The following GRID2 variants were observed in gnomAD, a reference collection of about 807,000 sequenced individuals.
The protein encoded by GRID2 is glutamate ionotropic receptor delta type subunit 2.
GRID2 carries 33 observed loss-of-function variants against 114.8 expected under a neutral mutation model. That is an observed-to-expected ratio of 0.29 (90% CI 0.22 to 0.38). The LOEUF is 0.38. Ranked by LOEUF, GRID2 falls within the 10% of genes least tolerant of loss-of-function variation. The pLI is 1.00. For missense variants in GRID2, 1,184 were observed against 1,257.7 expected (o/e 0.94, Z 0.89); for synonymous variants, 505 against 449.9 (o/e 1.12, Z -1.55).
chr4:93,182,906 A>C (rs990217955), intron 4 of GRID2, among the ~76,000 whole-genome samples: 9 of 152,234 alleles, frequency 5.9e-5, no homozygotes, highest in Non-Finnish European at 1.3e-4. Context: ...GCACCAGCCC[A>C]GACCTACTGA....
chr4:93,109,388 A>G (rs1343870160), intron 3 of GRID2, among the ~76,000 whole-genome samples: 1 of 152,232 alleles, frequency 6.6e-6, no homozygotes, highest in Non-Finnish European at 1.5e-5. Context: ...TTGAAATGAA[A>G]GAATTCAGAA....
At chr4:93,167,454 T>G (rs1738360372) in intron 4 of GRID2, among the ~76,000 whole-genome samples, 1 of 152,186 alleles carries the variant, frequency 6.6e-6, no homozygotes, top group Non-Finnish European at 1.5e-5. Context: ...TATATCGTTT[T>G]TAAAAGTCTA....
At chr4:93,744,929 C>A (rs946144586) in intron 14 of GRID2, among the ~76,000 whole-genome samples, 1 of 152,174 alleles carries the variant, frequency 6.6e-6, no homozygotes, top group Non-Finnish European at 1.5e-5. Context: ...AGACTCTCCA[C>A]TAGCAAAACA....
At chr4:93,035,530 A>G (rs935049739) in intron 2 of GRID2, among the ~76,000 whole-genome samples, 1 of 152,144 alleles carries the variant, frequency 6.6e-6, no homozygotes, top group Non-Finnish European at 1.5e-5. Flanking sequence ...GGTCGCCTGC[A>G]AACTGAGCAT....
intron 8 of GRID2, among the ~76,000 whole-genome samples, chr4:93,275,386 A>G (rs1751938139): frequency 6.6e-6 from 1 of 150,988 alleles, no homozygotes; most frequent in Non-Finnish European, 1.5e-5. Context: ...TTTGTGAGCA[A>G]GATTTTATGA....
rs1031312907 is a variant in GRID2, at chr4:93,188,473, T to C, written c.736-18931T>C. Among the ~76,000 whole-genome samples, 10 of 152,166 alleles carry C rather than the reference T, an allele frequency of 6.6e-5. No individual in the cohort carries two copies. In the East Asian group the frequency reaches 1.5e-3, roughly 24 times the overall value. ...AGGTCCTGGATTTCTAAGCTTATGA[T>C]GGGAGTGGCCAGCCCGATGATCTCT... On this transcript the variant is annotated intron_variant, in intron 4 of 15. Transcript: ENST00000282020.
rs373381190 is a variant in GRID2 at position 93,207,473 on chromosome 4, C to T, written c.789+16C>T. 5 of 1,512,906 alleles carry T rather than the reference C, an allele frequency of 3.3e-6. No individual in the cohort carries two copies. Among genetic ancestry groups the T allele is most frequent in the Non-Finnish European group, 4.6e-6 (5 of 1,090,390 alleles). The allele number at this position is 1,512,906 out of a possible 1,614,324, so 93.7% of individuals were successfully genotyped here. A position where few individuals can be genotyped will look rare whatever the true frequency, so the allele number is the denominator to read the frequency against. ...TATAAATGAGGTAAAGCCAACTAAA[C>T]CTTATTGTTAACTCTGTGTCCTTTT... On this transcript the variant is annotated intron_variant, in intron 5 of 15. Coordinates refer to ENST00000282020, the MANE Select transcript of GRID2 (RefSeq NM_001510.4).
rs547828655 is a variant in GRID2 at position 92,677,381 on chromosome 4, G to A, written c.244+87095G>A. On this transcript the variant is annotated intron_variant, in intron 2 of 15. Coordinates refer to ENST00000282020, the MANE Select transcript of GRID2 (RefSeq NM_001510.4). Reference sequence around the variant, plus strand: ...ATCAGAGGAATAAGACAACTTGGCAGGAACCTTATGAAAAGGATTCTGCTA... The same window carrying A: ...ATCAGAGGAATAAGACAACTTGGCAAGAACCTTATGAAAAGGATTCTGCTA... Among the ~76,000 whole-genome samples the A allele has an allele frequency of 7.2e-5, 11 of 152,260 alleles. No individual in the cohort carries two copies. The South Asian group carries it at 2.1e-3, about 29-fold the overall frequency.
intron 4 of GRID2, among the ~76,000 whole-genome samples, chr4:93,204,774 C>T (rs1742508396): frequency 6.6e-6 from 1 of 152,146 alleles, no homozygotes; most frequent in African/African-American, 2.4e-5. Flanking sequence ...AAAACAACTT[C>T]TCATTTAGTA....
At position 92,746,184 on chromosome 4, in the gene GRID2, A is replaced by G. The variant is rs116635324; in HGVS notation, c.244+155898A>G. Among the ~76,000 whole-genome samples, 1,470 of 152,182 alleles carry G rather than the reference A, an allele frequency of 9.7e-3. 27 individuals carry two copies. The highest frequency in any genetic ancestry group is 0.033 in the African/African-American group (1,384 of 41,552). Reference sequence around the variant, plus strand: ...CATCACCTTGCACATATTTTGCGCTATGGTACCTGATTAAATAGTCTGTTG... The same window carrying G: ...CATCACCTTGCACATATTTTGCGCTGTGGTACCTGATTAAATAGTCTGTTG... On this transcript the variant is annotated intron_variant, in intron 2 of 15. Transcript: ENST00000282020.
At chr4:92,814,025 CTA>C (rs1439885547) in intron 2 of GRID2, among the ~76,000 whole-genome samples, 1 of 152,042 alleles carries the variant, frequency 6.6e-6, no homozygotes, top group Non-Finnish European at 1.5e-5. Context: ...CTATTCTTCT[CTA>C]TCTGAAAAAA....
chr4:93,413,170 A>C (rs896304541), intron 9 of GRID2, among the ~76,000 whole-genome samples: 3 of 152,164 alleles, frequency 2.0e-5, no homozygotes, highest in African/African-American at 7.2e-5. Flanking sequence ...AGGAATCGCC[A>C]CACTGCCTTC....
At chr4:92,918,065 A>C (rs1030527076) in intron 2 of GRID2, among the ~76,000 whole-genome samples, 2 of 152,144 alleles carry the variant, frequency 1.3e-5, no homozygotes, top group African/African-American at 4.8e-5. Context: ...GAGGTCCTTC[A>C]CATCCCTTGT....
At chr4:93,123,273 A>G (rs1041492500) in intron 4 of GRID2, among the ~76,000 whole-genome samples, 4 of 152,162 alleles carry the variant, frequency 2.6e-5, no homozygotes, top group African/African-American at 9.7e-5. Flanking sequence ...AAATAAGTCA[A>G]TCATTTTTAT....
At chr4:92,964,695 C>T (rs1017558985) in intron 2 of GRID2, among the ~76,000 whole-genome samples, 6 of 152,098 alleles carry the variant, frequency 3.9e-5, no homozygotes, top group African/African-American at 9.6e-5. Context: ...TCTCCTTAAG[C>T]CTCATGAACA....
chr4:93,125,409 TA>T (rs1734176626), intron 4 of GRID2, among the ~76,000 whole-genome samples: 1 of 152,054 alleles, frequency 6.6e-6, no homozygotes, highest in Non-Finnish European at 1.5e-5. Context: ...ATATATGTTA[TA>T]AAATAATATC....
At chr4:93,490,553 G>A (rs965948767) in intron 11 of GRID2, 86 bp from the exon 12 acceptor site, 3 of 972,674 alleles carry the variant, frequency 3.1e-6, no homozygotes, top group Non-Finnish European at 3.1e-6. Context: ...CTACTTGCAA[G>A]TTAATTTGGT....
chr4:93,782,818 T>G (rs1197781619), intron 1 of GRID2, among the ~76,000 whole-genome samples: 1 of 152,146 alleles, frequency 6.6e-6, no homozygotes. Context: ...GATTTCCCAA[T>G]TATTTGAGAT....
chr4:93,357,479 A>G (rs1055255060), intron 8 of GRID2, among the ~76,000 whole-genome samples: 4 of 151,144 alleles, frequency 2.6e-5, no homozygotes, highest in African/African-American at 9.7e-5. Flanking sequence ...GAAGTTTTGA[A>G]TGTTTTATGT....
Sources: gnomAD v4.1 joint callset for allele counts (sites outside exome capture counted in the v4.1 genomes callset) on GRCh38, gnomAD v4.1.1 for gene constraint, MANE v1.5 for transcripts, NCBI Gene and HGNC (gene_info 2026-07-23, HGNC 2026-07-21) for gene names.